Variants in DENND2A observed in about 807,000 individuals in gnomAD.
DENND2A encodes DENN domain containing 2A.
Under a neutral mutation model 105.3 loss-of-function variants are expected in DENND2A, and 53 were observed. That is an observed-to-expected ratio of 0.50 (90% CI 0.40 to 0.63). The LOEUF (loss-of-function observed/expected upper bound fraction) is 0.63, where lower values mean the gene tolerates loss of function less well. DENND2A is among the 30% of genes least tolerant of loss of function. DENND2A has a pLI of 0.00. For synonymous variants in DENND2A, 522 were observed against 508.4 expected (o/e 1.03, Z -0.36); for missense variants, 1,138 against 1,279.6 (o/e 0.89, Z 1.69).
intron 9 of DENND2A, among the ~76,000 whole-genome samples, chr7:140,563,753 C>T (rs1312423311): frequency 6.9e-6 from 1 of 145,310 alleles, no homozygotes; most frequent in South Asian, 2.2e-4. Flanking sequence ...GTAGGGAGAT[C>T]GCTTGAGCTC....
intron 3 of DENND2A, among the ~76,000 whole-genome samples, chr7:140,600,611 T>A (rs1292569113): frequency 6.6e-6 from 1 of 152,074 alleles, no homozygotes; most frequent in Non-Finnish European, 1.5e-5. Flanking sequence ...GCAATTGGAT[T>A]TAGCAAGATG....
At chr7:140,526,368 A>G (rs554570403) in intron 15 of DENND2A, among the ~76,000 whole-genome samples, 1 of 152,198 alleles carries the variant, frequency 6.6e-6, no homozygotes, top group Admixed American at 6.5e-5. Context: ...CTGAGGCGCA[A>G]AGGTCCCACA....
intron 9 of DENND2A, among the ~76,000 whole-genome samples, chr7:140,565,020 C>T (rs1471564396): frequency 6.6e-6 from 1 of 152,136 alleles, no homozygotes; most frequent in Non-Finnish European, 1.5e-5. Context: ...GTGAGTGTCA[C>T]CTTTGGAAGG....
At position 140,559,700 on chromosome 7, in the gene DENND2A, G is replaced by C. The variant is rs1443352266; in HGVS notation, c.1889+8C>G. 1 of 1,609,696 alleles carries C rather than the reference G, an allele frequency of 6.2e-7. No homozygotes were observed. The highest frequency in any genetic ancestry group is 1.7e-4 in the Middle Eastern group (1 of 6,054). On this transcript the variant is annotated splice_region_variant and intron_variant, in intron 10 of 19. Transcript: ENST00000496613. The surrounding 1 kb of genome is among the most constrained non-coding windows in gnomAD (Gnocchi z 4.1). ...TTGGGGCTGCGAAGGGGAGAAGCCA[G>C]CTCGTACCTGGTGAACTGCTGGACA...
At chr7:140,520,322 A>AT (rs1212986786) in intron 18 of DENND2A, among the ~76,000 whole-genome samples, 3 of 151,162 alleles carry the variant, frequency 2.0e-5, no homozygotes, top group Non-Finnish European at 4.4e-5. Flanking sequence ...AAAAAAAAAA[A>AT]GTTGAACCGG....
chr7:140,543,285 ATT>A (rs36113743), intron 14 of DENND2A, among the ~76,000 whole-genome samples: 2,722 of 128,268 alleles, frequency 0.021, 91 homozygotes, highest in African/African-American at 0.075. Flanking sequence ...TACCTGGCTA[ATT>A]TTTTTTTTTT....
chr7:140,541,595 C>T (rs1796661251), intron 14 of DENND2A, among the ~76,000 whole-genome samples: 1 of 152,196 alleles, frequency 6.6e-6, no homozygotes, highest in Admixed American at 6.5e-5. Flanking sequence ...CTGATGAAAT[C>T]CGATCCTGGC....
chr7:140,615,857 A>G (rs575594039), intron 1 of DENND2A, among the ~76,000 whole-genome samples: 1 of 152,038 alleles, frequency 6.6e-6, no homozygotes, highest in Non-Finnish European at 1.5e-5. Context: ...CCAGGCCTAC[A>G]TATCATTTTT....
intron 2 of DENND2A, among the ~76,000 whole-genome samples, chr7:140,605,350 AACTG>A (rs946701230): frequency 4.6e-5 from 7 of 152,212 alleles, no homozygotes; most frequent in African/African-American, 1.4e-4. Flanking sequence ...TAGATGGGAA[AACTG>A]ACTGTGTACA....
At chr7:140,631,154 C>T (rs558455401) in intron 1 of DENND2A, among the ~76,000 whole-genome samples, 42 of 152,256 alleles carry the variant, frequency 2.8e-4, no homozygotes, top group African/African-American at 1.0e-3. Context: ...AGCATGAGAA[C>T]AGGGAACTGG....
intron 3 of DENND2A, among the ~76,000 whole-genome samples, chr7:140,593,204 G>T (rs1344942130): frequency 6.6e-6 from 1 of 152,206 alleles, no homozygotes; most frequent in Admixed American, 6.5e-5. Context: ...CCGCCTGCAA[G>T]TTTAATAAGT....
intron 11 of DENND2A, among the ~76,000 whole-genome samples, chr7:140,556,735 T>C (rs1187068675): frequency 6.6e-6 from 1 of 152,218 alleles, no homozygotes; most frequent in Non-Finnish European, 1.5e-5. Flanking sequence ...TACTGATTAA[T>C]TCAAAAAATG....
chr7:140,575,830 G>A (rs1798273641), intron 5 of DENND2A, among the ~76,000 whole-genome samples: 3 of 151,970 alleles, frequency 2.0e-5, no homozygotes, highest in Admixed American at 6.6e-5. Context: ...TTAGCCTGAC[G>A]TGGTGGCATG....
chr7:140,623,051 C>T (rs1466747657), intron 1 of DENND2A, among the ~76,000 whole-genome samples: 1 of 151,662 alleles, frequency 6.6e-6, no homozygotes, highest in Non-Finnish European at 1.5e-5. Context: ...AAGTCCCTCT[C>T]CGGCTGGGTG....
chr7:140,636,046 G>A (rs1460875112), intron 1 of DENND2A, among the ~76,000 whole-genome samples: 1 of 152,196 alleles, frequency 6.6e-6, no homozygotes, highest in Non-Finnish European at 1.5e-5. Flanking sequence ...ACTCTTCCCT[G>A]AGTAACCAGC....
In DENND2A at chr7:140,602,374, C is replaced by G; in HGVS notation, c.24G>C (p.Met8Ile). The G allele has an allele frequency of 6.3e-7, 1 of 1,583,362 alleles. No individual in the cohort carries two copies. Among genetic ancestry groups the G allele is most frequent in the Non-Finnish European group, 8.6e-7 (1 of 1,168,536 alleles). Residue 8 changes from methionine (M) to isoleucine (I), a missense_variant, in exon 3 of 20, where the codon ATG becomes ATC. Around this residue, in one of 2 missense-constraint regions of DENND2A, gnomAD observed 511 missense variants for 499.9 expected, o/e 1.02. Coordinates refer to ENST00000496613, the MANE Select transcript of DENND2A (RefSeq NM_015689.5). ...CTTCTGCAGCTGGGTCACTGATGAT[C>G]ATATCCAAGCTGAACATATCCATTC... MDMFSLD[M>I]IISDPAAEAS...
At chr7:140,555,818 T>A (rs1030223293) in intron 11 of DENND2A, 105 bp from the exon 12 acceptor site, 3 of 878,214 alleles carry the variant, frequency 3.4e-6, no homozygotes, top group Non-Finnish European at 5.2e-6. Flanking sequence ...TGTTTCCACA[T>A]ATCATAGCTC....
intron 2 of DENND2A, among the ~76,000 whole-genome samples, chr7:140,603,323 G>A (rs575590302): frequency 2.3e-4 from 35 of 152,270 alleles, no homozygotes; most frequent in Non-Finnish European, 4.3e-4. Flanking sequence ...GTAATTTCAC[G>A]AGGTAAAAGA....
At chr7:140,542,389 G>A (rs951769139) in intron 14 of DENND2A, among the ~76,000 whole-genome samples, 5 of 152,024 alleles carry the variant, frequency 3.3e-5, no homozygotes, top group Non-Finnish European at 7.4e-5. Flanking sequence ...TGATGGGAGG[G>A]GATTTGCTTT....
Sources: allele counts gnomAD v4.1 joint callset (sites outside exome capture counted in the v4.1 genomes callset), GRCh38; gene constraint gnomAD v4.1.1; regional missense constraint gnomAD v4.1.1; non-coding constraint Gnocchi (gnomAD v3.1); transcripts MANE v1.5; gene names NCBI Gene and HGNC (gene_info 2026-07-23, HGNC 2026-07-21).